Variants in ZDHHC11B observed in about 807,000 individuals in gnomAD.
ZDHHC11B encodes zDHHC palmitoyltransferase 11B (putative).
In ZDHHC11B, 17 loss-of-function variants were observed where a neutral mutation model predicts 42.3. The ratio of observed to expected loss-of-function variants is 0.40; its 90% CI spans 0.27 to 0.60. The LOEUF (loss-of-function observed/expected upper bound fraction) is 0.60, where lower values mean the gene tolerates loss of function less well. Ranked by LOEUF, ZDHHC11B falls within the 20% of genes least tolerant of loss-of-function variation. The pLI is 0.41. For missense variants in ZDHHC11B, 262 were observed against 463.2 expected (o/e 0.57, Z 3.99); for synonymous variants, 123 against 193.5 (o/e 0.64, Z 3.02).
intron 10 of ZDHHC11B, among the ~76,000 whole-genome samples, chr5:739,034 A>C (rs1259397062): frequency 1.3e-5 from 2 of 150,876 alleles, no homozygotes; most frequent in African/African-American, 4.9e-5. Flanking sequence ...GAAAATATTC[A>C]CAATCTGTAC....
chr5:761,284 T>C (rs1425464460), intron 4 of ZDHHC11B, among the ~76,000 whole-genome samples: 2 of 151,808 alleles, frequency 1.3e-5, no homozygotes, highest in Non-Finnish European at 2.9e-5. Context: ...TTAGTGACTG[T>C]GGGCTTTAGT....
At chr5:755,931 G>C in intron 5 of ZDHHC11B, 35 bp downstream of exon 5, 1 of 741,460 alleles carries the variant, frequency 1.3e-6, no homozygotes, top group Non-Finnish European at 2.0e-6. Context: ...AGGTGACCCT[G>C]ACACCTTGGG....
At position 716,875 on chromosome 5, in the gene ZDHHC11B, A is replaced by C. The variant is rs757055618; in HGVS notation, c.1059-10T>G. The C allele has an allele frequency of 6.2e-7, 1 of 1,612,906 alleles. No homozygotes were observed. The highest frequency in any genetic ancestry group is 2.2e-5 in the East Asian group (1 of 44,846). On this transcript the variant is annotated splice_polypyrimidine_tract_variant and intron_variant, in intron 12 of 13. Transcript: ENST00000508859. The stretch of plus-strand genomic sequence containing the variant: ...TGTTTCTTGTTGCAGCCTGTTTGCA[A>C]TATTCAGAAAGAGAGACAACAGAGA...
At chr5:727,973 A>G (rs1742718980) in intron 12 of ZDHHC11B, among the ~76,000 whole-genome samples, 1 of 151,102 alleles carries the variant, frequency 6.6e-6, no homozygotes, top group Non-Finnish European at 1.5e-5. Context: ...GACACGATAA[A>G]CACAAAATTT....
chr5:770,109 G>A lies in ZDHHC11B; in HGVS notation c.-229-1179C>T, dbSNP rs529029719. 7.3e-3 allele frequency among the ~76,000 whole-genome samples: 1,109 copies of A among 151,148 alleles called. 18 individuals are homozygous for A. Among genetic ancestry groups the A allele is most frequent in the African/African-American group, 0.025 (1,021 of 40,944 alleles). ...AGCTTTGGCAGGCTTGGCCTTGTCA[G>A]CCATGTTGCTATGGAGGAAGGAGAG... On this transcript the variant is annotated intron_variant, in intron 1 of 13. Coordinates refer to ENST00000508859, the MANE Select transcript of ZDHHC11B (RefSeq NM_001351303.2).
At chr5:780,146 G>A (rs1325087911) in intron 1 of ZDHHC11B, among the ~76,000 whole-genome samples, 1 of 150,520 alleles carries the variant, frequency 6.6e-6, no homozygotes, top group Non-Finnish European at 1.5e-5. Context: ...GAAACTGTGG[G>A]GGCGAATGGC....
At chr5:756,278 G>C (rs1253961687) in intron 4 of ZDHHC11B, 134 bp from the exon 5 acceptor site, 10 of 1,366,588 alleles carry the variant, frequency 7.3e-6, no homozygotes, top group Non-Finnish European at 6.0e-6. Flanking sequence ...CGTGAGCCCA[G>C]CTCACCCAGG....
At position 730,487 on chromosome 5, in the gene ZDHHC11B, C is replaced by A; in HGVS notation, c.1024-19G>T. ...CTGCTTCCTGTGGGGGGAAGGGAAG[C>A]AAAATTCTTAGGATGAACAAAGACC... is the stretch of plus-strand genomic sequence containing the variant. On this transcript the variant is annotated intron_variant, in intron 11 of 13. Transcript: ENST00000508859. 6.4e-7 allele frequency: 1 copy of A among 1,552,218 alleles called. No individual in the cohort carries two copies. The highest frequency in any genetic ancestry group is 8.6e-7 in the Non-Finnish European group (1 of 1,159,590).
rs915874949 is a variant in ZDHHC11B at position 777,564 on chromosome 5, C to G, written c.-230+7104G>C. 3.8e-4 allele frequency among the ~76,000 whole-genome samples: 58 copies of G among 152,060 alleles called. 1 individual carries two copies. Among genetic ancestry groups the G allele is most frequent in the African/African-American group, 1.3e-3 (56 of 41,494 alleles). On this transcript the variant is annotated intron_variant, in intron 1 of 13. Transcript: ENST00000508859. ...TGGAGTCAGGTTGCGGCAGGGCGTT[C>G]CGGCTACCCGCTTTTATTCCGTTAT...
chr5:776,736 TG>T lies in ZDHHC11B; in HGVS notation c.-229-7807del, dbSNP rs1198921147. On this transcript the variant is annotated intron_variant, in intron 1 of 13. Coordinates refer to ENST00000508859, the MANE Select transcript of ZDHHC11B (RefSeq NM_001351303.2). ...TCCCACCAAGGGGCCTTCTAGGACC[TG>T]GGAGCCCTGCCCTCCTGCCGAGGAG... is the stretch of plus-strand genomic sequence containing the variant. Among the ~76,000 whole-genome samples, 6 of 152,094 alleles carry T rather than the reference TG, an allele frequency of 3.9e-5. 1 individual carries two copies. Among genetic ancestry groups the T allele is most frequent in the Admixed American group, 1.3e-4 (2 of 15,266 alleles).
intron 1 of ZDHHC11B, among the ~76,000 whole-genome samples, chr5:772,658 C>T (rs1736156091): frequency 6.6e-6 from 1 of 151,912 alleles, no homozygotes; most frequent in East Asian, 1.9e-4. Flanking sequence ...TCCACGGGCG[C>T]TTGGGAGGGC....
chr5:736,408 T>A (rs1435895182), intron 10 of ZDHHC11B, among the ~76,000 whole-genome samples: 1 of 149,700 alleles, frequency 6.7e-6, no homozygotes, highest in African/African-American at 2.5e-5. Flanking sequence ...ACTAGACAGG[T>A]CATCAAGACA....
intron 4 of ZDHHC11B, among the ~76,000 whole-genome samples, chr5:761,222 C>T (rs1197282877): frequency 2.0e-5 from 3 of 151,874 alleles, no homozygotes; most frequent in Non-Finnish European, 1.5e-5. Flanking sequence ...GGAGGACACC[C>T]GTGTCTGGAG....
At chr5:757,599 T>G (rs1227004390) in intron 4 of ZDHHC11B, among the ~76,000 whole-genome samples, 1 of 151,892 alleles carries the variant, frequency 6.6e-6, no homozygotes, top group African/African-American at 2.4e-5. Context: ...GAAGCCTGAG[T>G]GTGAAGCTGG....
At chr5:714,813 C>T (rs1332771791) in intron 13 of ZDHHC11B, among the ~76,000 whole-genome samples, 2 of 149,338 alleles carry the variant, frequency 1.3e-5, no homozygotes, top group African/African-American at 2.5e-5. Context: ...GGAGATGGGG[C>T]CTCATAGGAC....
chr5:725,888 A>T (rs1216043776), intron 12 of ZDHHC11B, among the ~76,000 whole-genome samples: 1 of 152,262 alleles, frequency 6.6e-6, no homozygotes, highest in Non-Finnish European at 1.5e-5. Context: ...TGACGCTTAC[A>T]TGGAAAGCAC....
In ZDHHC11B at chr5:767,423, C is replaced by G; in HGVS notation, c.-32G>C. ...GCACACTGCACGCCTGTCTCATCTC[C>G]GTAGGCTGAGTAGAGCAGCTCCAAC... On this transcript the variant is annotated 5_prime_UTR_variant, in exon 3 of 14. Coordinates refer to ENST00000508859, the MANE Select transcript of ZDHHC11B (RefSeq NM_001351303.2). 1 of 1,574,680 alleles carries G rather than the reference C, an allele frequency of 6.4e-7. No homozygotes were observed. Among genetic ancestry groups the G allele is most frequent in the Non-Finnish European group, 8.7e-7 (1 of 1,153,820 alleles).
chr5:769,069 AAAC>A (rs1735739283), intron 1 of ZDHHC11B, 139 bp from the exon 2 acceptor site: 1 of 604,146 alleles, frequency 1.7e-6, no homozygotes, highest in African/African-American at 1.8e-5. Flanking sequence ...GATCACCTGA[AAAC>A]AAATTTGCAA....
intron 12 of ZDHHC11B, among the ~76,000 whole-genome samples, chr5:724,114 C>T (rs1321412003): frequency 1.3e-5 from 2 of 151,826 alleles, no homozygotes; most frequent in East Asian, 1.9e-4. Context: ...GTCATCAGTG[C>T]TCCCAGCCAT....
Sources: gnomAD v4.1 joint callset for allele counts (sites outside exome capture counted in the v4.1 genomes callset) on GRCh38, gnomAD v4.1.1 for gene constraint, MANE v1.5 for transcripts, NCBI Gene and HGNC (gene_info 2026-07-23, HGNC 2026-07-21) for gene names.